XRCC5: variants seen among roughly 807,000 people sequenced by gnomAD.
The protein encoded by XRCC5 is X-ray repair cross complementing 5, also known as DNA repair protein Ku80.
A neutral mutation model predicts 95.7 loss-of-function variants in XRCC5; 12 were observed. That is an observed-to-expected ratio of 0.13 (90% CI 0.08 to 0.20). XRCC5 has a LOEUF of 0.20. Among genes scored for constraint, XRCC5 ranks in the 10% least tolerant of loss-of-function variants. XRCC5 has a pLI of 1.00. For missense variants in XRCC5, 595 were observed against 873.9 expected (o/e 0.68, Z 4.02); for synonymous variants, 281 against 290.3 (o/e 0.97, Z 0.33).
chr2:216,169,243 T>G (rs1271855966), intron 16 of XRCC5, among the ~76,000 whole-genome samples: 2 of 152,222 alleles, frequency 1.3e-5, no homozygotes, highest in Non-Finnish European at 1.5e-5. Context: ...TGCATGAGTA[T>G]TAAACATGCA....
intron 1 of XRCC5, chr2:216,110,452 T>G (rs572914293): frequency 4.1e-4 from 62 of 152,342 alleles, no homozygotes; most frequent in African/African-American, 1.4e-3. Flanking sequence ...ACCTCCTTTT[T>G]TCGTCCTCTT....
intron 16 of XRCC5, among the ~76,000 whole-genome samples, chr2:216,164,519 C>A (rs1013884688): frequency 2.6e-5 from 4 of 152,210 alleles, no homozygotes; most frequent in African/African-American, 9.7e-5. Context: ...GATTGCTTTA[C>A]TTGGGAAAAT....
chr2:216,146,045 C>A (rs534538220), intron 13 of XRCC5, among the ~76,000 whole-genome samples: 1 of 152,304 alleles, frequency 6.6e-6, no homozygotes, highest in East Asian at 1.9e-4. Flanking sequence ...AGTTTGGGAT[C>A]TTTTGGATTT....
Position 216,205,294 on chromosome 2 carries a change from G to A in XRCC5, c.*92G>A. On this transcript the variant is annotated 3_prime_UTR_variant, in exon 21 of 21. Transcript: ENST00000392132. ...AGTTGGATGCGGCCATTCAAGGGGA[G>A]CCAAAATCTCAAGAAATTCCCAGCA... 1 of 1,536,546 alleles carries A rather than the reference G, an allele frequency of 6.5e-7. No individual in the cohort carries two copies. The highest frequency in any genetic ancestry group is 1.7e-5 in the Admixed American group (1 of 59,790).
At chr2:216,126,340 A>G (rs907495713) in intron 7 of XRCC5, among the ~76,000 whole-genome samples, 3 of 152,192 alleles carry the variant, frequency 2.0e-5, no homozygotes, top group Admixed American at 1.3e-4. Context: ...GAAATGCATT[A>G]AGCTGTGTTA....
In XRCC5 at chr2:216,160,169, A is replaced by G; in HGVS notation, c.1764+8A>G. The G allele has an allele frequency of 6.3e-7, 1 of 1,581,072 alleles. No homozygotes were observed. The highest frequency in any genetic ancestry group is 8.6e-7 in the Non-Finnish European group (1 of 1,163,008). ...GAAGGCAGTGTCACCTCTGTAAGCT[A>G]AGCTTTTCAAGTGCGCTTCCCCCTT... is the stretch of plus-strand genomic sequence containing the variant. On this transcript the variant is annotated splice_region_variant and intron_variant, in intron 15 of 20. Coordinates refer to ENST00000392132, the MANE Select transcript of XRCC5 (RefSeq NM_021141.4).
At chr2:216,130,850 C>A (rs754122357) in intron 8 of XRCC5, 25 bp from the exon 9 acceptor site, 90 of 1,541,424 alleles carry the variant, frequency 5.8e-5, no homozygotes, top group Non-Finnish European at 8.0e-5. Context: ...ATATGCTTAA[C>A]AGATGCTCTT....
At chr2:216,115,896 A>G (rs1220568717) in intron 2 of XRCC5, among the ~76,000 whole-genome samples, 1 of 151,588 alleles carries the variant, frequency 6.6e-6, no homozygotes, top group East Asian at 1.9e-4. Flanking sequence ...GGATTTTGGT[A>G]GTTATTACCA....
At chr2:216,116,340 A>G (rs1006512282) in intron 2 of XRCC5, among the ~76,000 whole-genome samples, 5 of 152,036 alleles carry the variant, frequency 3.3e-5, no homozygotes, top group Admixed American at 3.3e-4. Flanking sequence ...ATCTTTTCAC[A>G]TTACCCATTT....
chr2:216,170,294 C>T (rs537785237), intron 16 of XRCC5, among the ~76,000 whole-genome samples: 1 of 152,072 alleles, frequency 6.6e-6, no homozygotes, highest in South Asian at 2.1e-4. Context: ...TCTCATGCTA[C>T]ATAGGAAAGT....
rs1421029413 is a variant in XRCC5, at chr2:216,190,309, G to A, written c.1919G>A (p.Arg640Gln). 2 of 1,613,724 alleles carry A rather than the reference G, an allele frequency of 1.2e-6. No individual in the cohort carries two copies. Among genetic ancestry groups the A allele is most frequent in the Non-Finnish European group, 1.7e-6 (2 of 1,179,796 alleles). ...PYFMKSIDCI[R>Q]AFREEAIKFS... ...TTTATGAAGAGCATAGACTGCATCC[G>A]AGCCTTCCGGGAAGAAGCCATTAAG... is the stretch of plus-strand genomic sequence containing the variant. The change falls in exon 17 of 21, where the codon CGA (arginine) becomes CAA (glutamine). Residue 640 changes from arginine (R) to glutamine (Q), a missense_variant. Transcript: ENST00000392132.
At position 216,162,146 on chromosome 2, in the gene XRCC5, G is replaced by A. The variant is rs1688965325; in HGVS notation, c.1834+98G>A. ...TGTAGCCTTTTGTTGTAACACTTTA[G>A]CATTTTTCTTTACTGGCGGATCTTT... On this transcript the variant is annotated intron_variant, in intron 16 of 20. Coordinates refer to ENST00000392132, the MANE Select transcript of XRCC5 (RefSeq NM_021141.4). 3.3e-6 allele frequency: 4 copies of A among 1,197,278 alleles called. No individual in the cohort carries two copies. The East Asian group carries it at 7.2e-5, about 22-fold the overall frequency. 74.2% of individuals were successfully genotyped at this position (1,197,278 alleles called of 1,614,324 possible).
chr2:216,205,192 A>G lies in XRCC5; in HGVS notation c.2189A>G (p.Asp730Gly). The change falls in exon 21 of 21, where the codon GAC (aspartate) becomes GGC (glycine). Residue 730 changes from aspartate to glycine, a missense_variant. By Grantham distance (94) the Asp-to-Gly change is moderately conservative. Transcript: ENST00000392132. ...GTGTGTTGTTCTTGTTCACAGTTGG[A>G]CATGATATAGGTCGTGGATGTATGG... is the stretch of plus-strand genomic sequence containing the variant. ...EEGGDVDDLL[D>G]MI The G allele has an allele frequency of 1.2e-6, 2 of 1,613,972 alleles. No homozygotes were observed. Among genetic ancestry groups the G allele is most frequent in the Non-Finnish European group, 1.7e-6 (2 of 1,179,884 alleles).
intron 6 of XRCC5, among the ~76,000 whole-genome samples, chr2:216,124,806 C>A (rs1696877467): frequency 6.6e-6 from 1 of 152,166 alleles, no homozygotes; most frequent in Admixed American, 6.5e-5. Context: ...TCATTAATTT[C>A]TTTGCTGCTT....
chr2:216,172,469 C>CTTTTTTTTTTTTT (rs746493174), intron 16 of XRCC5, among the ~76,000 whole-genome samples: 2,333 of 107,424 alleles, frequency 0.022, 230 homozygotes, highest in South Asian at 0.054. Flanking sequence ...CTTTTCTTTT[C>CTTTTTTTTTTTTT]TTTTTTTTTT....
intron 16 of XRCC5, among the ~76,000 whole-genome samples, chr2:216,177,236 T>G (rs910616146): frequency 6.6e-6 from 1 of 152,228 alleles, no homozygotes; most frequent in African/African-American, 2.4e-5. Flanking sequence ...AATCTGTCTT[T>G]TGACTTTCTA....
At chr2:216,138,329 G>A (rs1697122116) in intron 12 of XRCC5, 150 bp downstream of exon 12, 10 of 709,028 alleles carry the variant, frequency 1.4e-5, no homozygotes, top group Non-Finnish European at 1.9e-5. Context: ...AATGATGAAG[G>A]TGGTTTACTT....
intron 10 of XRCC5, among the ~76,000 whole-genome samples, chr2:216,133,679 A>G (rs1202875344): frequency 6.6e-6 from 1 of 152,232 alleles, no homozygotes; most frequent in Non-Finnish European, 1.5e-5. Flanking sequence ...TAATTTCTGT[A>G]TATCATAGGA....
intron 16 of XRCC5, among the ~76,000 whole-genome samples, chr2:216,169,249 A>G (rs917803664): frequency 2.0e-5 from 3 of 152,268 alleles, no homozygotes; most frequent in African/African-American, 7.2e-5. Flanking sequence ...AGTATTAAAC[A>G]TGCATGTTAC....
Sources: gnomAD v4.1 joint callset for allele counts (sites outside exome capture counted in the v4.1 genomes callset) on GRCh38, gnomAD v4.1.1 for gene constraint, MANE v1.5 for transcripts, NCBI Gene and HGNC (gene_info 2026-07-23, HGNC 2026-07-21) for gene names.